Variants in TCF7L1 observed in about 807,000 individuals in gnomAD.
TCF7L1 encodes the protein transcription factor 7 like 1, also known as transcription factor 7-like 1.
Under a neutral mutation model 63.7 loss-of-function variants are expected in TCF7L1, and 18 were observed. The ratio of observed to expected loss-of-function variants is 0.28; its 90% CI spans 0.20 to 0.42. The LOEUF is 0.42. Ranked by LOEUF, TCF7L1 falls within the 10% of genes least tolerant of loss-of-function variation. TCF7L1 has a pLI of 1.00. For missense variants in TCF7L1, 654 were observed against 779.3 expected (o/e 0.84, Z 1.91); for synonymous variants, 355 against 340.9 (o/e 1.04, Z -0.46).
At chr2:85,198,541 G>T (rs1235321716) in intron 3 of TCF7L1, among the ~76,000 whole-genome samples, 2 of 152,176 alleles carry the variant, frequency 1.3e-5, no homozygotes, top group Non-Finnish European at 2.9e-5. Context: ...AGCAGCCCTC[G>T]CTGGCCATGA....
intron 3 of TCF7L1, among the ~76,000 whole-genome samples, chr2:85,181,289 A>G (rs927744843): frequency 2.6e-5 from 4 of 152,338 alleles, no homozygotes; most frequent in African/African-American, 9.6e-5. Context: ...TTCCTTGTCT[A>G]ACTTGGCATA....
intron 3 of TCF7L1, among the ~76,000 whole-genome samples, chr2:85,261,703 C>A (rs115550005): frequency 6.7e-6 from 1 of 150,272 alleles, no homozygotes; most frequent in Non-Finnish European, 1.5e-5. Flanking sequence ...CCAGCCTGGG[C>A]AACATAGCAA....
At chr2:85,178,578 C>CAG (rs1246322398) in intron 3 of TCF7L1, among the ~76,000 whole-genome samples, 4 of 152,202 alleles carry the variant, frequency 2.6e-5, no homozygotes, top group Admixed American at 2.6e-4. Flanking sequence ...CGCTCCCACT[C>CAG]AGAGGGCTCT....
At chr2:85,284,014 TTTTG>T (rs1681484207) in intron 4 of TCF7L1, among the ~76,000 whole-genome samples, 1 of 151,972 alleles carries the variant, frequency 6.6e-6, no homozygotes, top group Non-Finnish European at 1.5e-5. Context: ...TTGTTTTTGT[TTTTG>T]TTTGTTTTTT....
At chr2:85,294,123 A>G (rs561611807) in intron 4 of TCF7L1, among the ~76,000 whole-genome samples, 1 of 136,388 alleles carries the variant, frequency 7.3e-6, no homozygotes, top group Non-Finnish European at 1.5e-5. Flanking sequence ...TGCAAGCTCC[A>G]CTTCCCGGAT....
At chr2:85,243,724 T>G (rs1573007124) in intron 3 of TCF7L1, among the ~76,000 whole-genome samples, 1 of 151,900 alleles carries the variant, frequency 6.6e-6, no homozygotes. Context: ...GGGTGAGAGG[T>G]GAAACTTCGT....
At chr2:85,288,752 T>C (rs543258830) in intron 4 of TCF7L1, among the ~76,000 whole-genome samples, 4 of 152,198 alleles carry the variant, frequency 2.6e-5, no homozygotes, top group Non-Finnish European at 5.9e-5. Context: ...AGTAACATTG[T>C]ATAAGCAACT....
intron 4 of TCF7L1, among the ~76,000 whole-genome samples, chr2:85,298,191 C>CAA (rs759348807): frequency 8.9e-5 from 4 of 44,730 alleles, no homozygotes; most frequent in African/African-American, 5.4e-4. Context: ...GACTCCATCT[C>CAA]AAAAAAAAAA....
intron 3 of TCF7L1, among the ~76,000 whole-genome samples, chr2:85,172,618 G>A (rs988566425): frequency 6.6e-6 from 1 of 152,136 alleles, no homozygotes; most frequent in African/African-American, 2.4e-5. Flanking sequence ...TAGAGACGGG[G>A]TTTCACTATG....
chr2:85,156,493 A>C (rs185320945), intron 3 of TCF7L1, among the ~76,000 whole-genome samples: 22 of 152,298 alleles, frequency 1.4e-4, no homozygotes, highest in African/African-American at 5.3e-4. Flanking sequence ...ACCAGGGCAG[A>C]CCAGATGTGG....
intron 3 of TCF7L1, among the ~76,000 whole-genome samples, chr2:85,215,718 C>T (rs1420167857): frequency 2.2e-5 from 3 of 134,872 alleles, no homozygotes; most frequent in Non-Finnish European, 4.5e-5. Context: ...AAGAGAGGAG[C>T]TCAATGGCTT....
chr2:85,193,342 T>G (rs569088598), intron 3 of TCF7L1, among the ~76,000 whole-genome samples: 3 of 152,170 alleles, frequency 2.0e-5, no homozygotes, highest in African/African-American at 7.2e-5. Flanking sequence ...ATATTTAGTC[T>G]GGGTGGGATA....
intron 3 of TCF7L1, among the ~76,000 whole-genome samples, chr2:85,160,238 T>TC (rs758175016): frequency 1.3e-5 from 2 of 152,116 alleles, no homozygotes; most frequent in Non-Finnish European, 2.9e-5. Context: ...TCTCCAACAC[T>TC]CCAACAGAGA....
chr2:85,294,129 C>T (rs145757488), intron 4 of TCF7L1, among the ~76,000 whole-genome samples: 1,768 of 150,064 alleles, frequency 0.012, 23 homozygotes, highest in Middle Eastern at 0.028. Context: ...CTCCACTTCC[C>T]GGATTCACGC....
At chr2:85,294,788 T>A (rs1283738757) in intron 4 of TCF7L1, among the ~76,000 whole-genome samples, 1 of 152,090 alleles carries the variant, frequency 6.6e-6, no homozygotes, top group Non-Finnish European at 1.5e-5. Flanking sequence ...ATCCCAGCAC[T>A]TTGGGAATCT....
rs543052821 is a variant in TCF7L1 at position 85,184,459 on chromosome 2, G to A, written c.441+50009G>A. ...CAGATTGGGTATTGGAGGAGAATGA[G>A]CGGACAAGGAGCAAATTTAAGAGCC... On this transcript the variant is annotated intron_variant, in intron 3 of 11. Coordinates refer to ENST00000282111, the MANE Select transcript of TCF7L1 (RefSeq NM_031283.3). 3.9e-5 allele frequency among the ~76,000 whole-genome samples: 6 copies of A among 152,254 alleles called. No homozygotes were observed. The South Asian group carries it at 1.2e-3, about 32-fold the overall frequency.
chr2:85,282,761 C>T (rs1481864276), intron 3 of TCF7L1, among the ~76,000 whole-genome samples: 1 of 147,776 alleles, frequency 6.8e-6, no homozygotes, highest in East Asian at 2.0e-4. Context: ...AGGCTCTTGG[C>T]AAGGACTGTG....
chr2:85,164,351 A>G (rs576483096), intron 3 of TCF7L1, among the ~76,000 whole-genome samples: 3 of 152,252 alleles, frequency 2.0e-5, no homozygotes, highest in African/African-American at 7.2e-5. Context: ...ACTGTGAGAG[A>G]TGGGCCCCTC....
At chr2:85,295,873 G>A (rs1349957199) in intron 4 of TCF7L1, among the ~76,000 whole-genome samples, 1 of 149,202 alleles carries the variant, frequency 6.7e-6, no homozygotes, top group Admixed American at 6.8e-5. Context: ...CGCCTCCTGG[G>A]TTCAAGTGAT....
Sources: gnomAD v4.1 joint callset for allele counts (sites outside exome capture counted in the v4.1 genomes callset) on GRCh38, gnomAD v4.1.1 for gene constraint, MANE v1.5 for transcripts, NCBI Gene and HGNC (gene_info 2026-07-23, HGNC 2026-07-21) for gene names.